The following SLC26A8 variants were observed in gnomAD, a reference collection of about 807,000 sequenced individuals.
SLC26A8 encodes testis anion transporter 1.
Under a neutral mutation model 105.0 loss-of-function variants are expected in SLC26A8, and 70 were observed. The ratio of observed to expected loss-of-function variants is 0.67; its 90% CI spans 0.55 to 0.81. SLC26A8 has a LOEUF of 0.81. Among genes scored for constraint, SLC26A8 ranks in the 40% least tolerant of loss-of-function variants. The pLI, the probability that SLC26A8 is intolerant of heterozygous loss-of-function variation, is 0.00. For synonymous variants in SLC26A8, 415 were observed against 438.3 expected, an observed-to-expected ratio of 0.95 and a Z score of 0.66; for missense variants, 998 against 1,181.8, an observed-to-expected ratio of 0.84 and a Z score of 2.28.
At chr6:35,960,593 T>G (rs1039176498) in intron 14 of SLC26A8, 8 of 415,888 alleles carry the variant, frequency 1.9e-5, no homozygotes, top group Admixed American at 8.2e-5. Flanking sequence ...CAGGTGGAGG[T>G]TGCAGTAAGC....
intron 17 of SLC26A8, among the ~76,000 whole-genome samples, chr6:35,953,890 T>G (rs1771963228): frequency 6.6e-6 from 1 of 152,116 alleles, no homozygotes; most frequent in African/African-American, 2.4e-5. Context: ...CTGGACTCAC[T>G]TAAGAGGCAG....
chr6:35,987,991 G>A (rs1307151004), intron 7 of SLC26A8, among the ~76,000 whole-genome samples: 7 of 147,442 alleles, frequency 4.7e-5, no homozygotes, highest in Non-Finnish European at 8.9e-5. Context: ...GGCTCACTGC[G>A]ACCTCCGCCT....
At chr6:35,961,122 G>T in intron 12 of SLC26A8, 23 bp from the exon 13 acceptor site, 1 of 1,580,446 alleles carries the variant, frequency 6.3e-7, no homozygotes, top group Non-Finnish European at 8.7e-7. Flanking sequence ...GGAATGAGGG[G>T]AAAATGATCA....
chr6:35,959,899 T>C (rs984573263), intron 14 of SLC26A8, 93 bp from the exon 15 acceptor site: 4 of 1,008,250 alleles, frequency 4.0e-6, no homozygotes, highest in African/African-American at 3.4e-5. Flanking sequence ...GAGTCTGTAT[T>C]CTTCTTTTTT....
chr6:35,991,584 C>T (rs1761161354), intron 7 of SLC26A8, 75 bp downstream of exon 7: 2 of 1,223,158 alleles, frequency 1.6e-6, no homozygotes, highest in African/African-American at 1.6e-5. Context: ...TCAGCTTTTA[C>T]ACAATTCAAC....
intron 19 of SLC26A8, among the ~76,000 whole-genome samples, chr6:35,949,267 AC>A (rs1771776095): frequency 6.6e-6 from 1 of 152,074 alleles, no homozygotes. Context: ...CCCTGTCTCT[AC>A]TAAAAATATA....
chr6:35,951,188 C>G lies in SLC26A8; in HGVS notation c.2447G>C (p.Arg816Pro), dbSNP rs116200048. The G allele has an allele frequency of 6.2e-7, 1 of 1,613,738 alleles. No homozygotes were observed. The highest frequency in any genetic ancestry group is 1.1e-5 in the South Asian group (1 of 91,028). ...LSIDESETVI[R>P]ETYSETDKND... ...CTTGTCTGTTTCTGAGTAGGTTTCC[C>G]GTATCACTGTCTCGGATTCATCGAT... Residue 816 changes from arginine to proline, a missense_variant, in exon 19 of 20, where the codon CGG (arginine) becomes CCG (proline). Arg to Pro is a moderately radical substitution (Grantham distance 103, BLOSUM62 -2). Transcript: ENST00000490799.
In SLC26A8 at chr6:35,959,573, G is replaced by T; in HGVS notation, c.1750C>A (p.Pro584Thr). ...CTGAAAATTTCTTCTTCTTTAAGAGGCACCTTTACCATATCAACCTGAAAG... is the reference window on the plus strand; with the variant it reads ...CTGAAAATTTCTTCTTCTTTAAGAGTCACCTTTACCATATCAACCTGAAAG... ...LLKEVDMVKV[P>T]LKEEEIFSLF... is the part of the protein sequence containing the mutation. The change falls in exon 16 of 20, where the codon CCT (proline) becomes ACT (threonine). Residue 584 changes from proline to threonine, a missense_variant. By Grantham distance (38) the Pro-to-Thr change is conservative. Coordinates refer to ENST00000490799, the MANE Select transcript of SLC26A8 (RefSeq NM_052961.4). 1 of 1,613,572 alleles carries T rather than the reference G, an allele frequency of 6.2e-7. No homozygotes were observed. The highest frequency in any genetic ancestry group is 1.1e-5 in the South Asian group (1 of 90,934).
Position 35,981,889 on chromosome 6 carries a change from GT to G in SLC26A8, c.1025+231del, listed in dbSNP as rs1313883617. Among the ~76,000 whole-genome samples, 1 of 152,200 alleles carries G rather than the reference GT, an allele frequency of 6.6e-6. No individual in the cohort carries two copies. The highest frequency in any genetic ancestry group is 2.4e-5 in the African/African-American group (1 of 41,450). ...TCTCTGGTATTCAGTGCATATAACA[GT>G]TTTCCTGGATAAGGGGATGGGTTCA... On this transcript the variant is annotated intron_variant, in intron 8 of 19. Transcript: ENST00000490799. The surrounding 1 kb of genome is among the most constrained non-coding windows in gnomAD (Gnocchi z 4.0).
chr6:35,957,979 C>G (rs1286530351), intron 16 of SLC26A8, among the ~76,000 whole-genome samples: 1 of 152,150 alleles, frequency 6.6e-6, no homozygotes, highest in African/African-American at 2.4e-5. Flanking sequence ...CATGTGTTAT[C>G]TGCCTGACCT....
chr6:35,943,643 A>C lies in SLC26A8; in HGVS notation c.*257T>G, dbSNP rs1771561489. ...GTGGGGTGTGTGAAGAAGGAAATTC[A>C]TGACTAGAATATATGCTGAAGGTGA... On this transcript the variant is annotated 3_prime_UTR_variant, in exon 20 of 20. Coordinates refer to ENST00000490799, the MANE Select transcript of SLC26A8 (RefSeq NM_052961.4). The C allele has an allele frequency of 2.2e-6, 1 of 461,276 alleles. No individual in the cohort carries two copies. Among genetic ancestry groups the C allele is most frequent in the African/African-American group, 1.9e-5 (1 of 51,610 alleles). The allele number at this position is 461,276 out of a possible 1,614,324, so 28.6% of individuals were successfully genotyped here.
intron 7 of SLC26A8, among the ~76,000 whole-genome samples, chr6:35,991,413 A>AC (rs907258909): frequency 6.6e-6 from 1 of 151,910 alleles, no homozygotes; most frequent in African/African-American, 2.4e-5. Flanking sequence ...AAAAAAAAAA[A>AC]AAAAAAAACT....
At position 35,972,656 on chromosome 6, in the gene SLC26A8, C is replaced by T. The variant is rs186610347; in HGVS notation, c.1287+2719G>A. ...AGGGACATGCCTCCCTGTGGAGGGCCGCTGCACTGCATTGAGAGGTGTCAC... is the reference window on the plus strand; with the variant it reads ...AGGGACATGCCTCCCTGTGGAGGGCTGCTGCACTGCATTGAGAGGTGTCAC... On this transcript the variant is annotated intron_variant, in intron 10 of 19. Transcript: ENST00000490799. 3.2e-4 allele frequency among the ~76,000 whole-genome samples: 48 copies of T among 152,252 alleles called. No homozygotes were observed. In the East Asian group the frequency reaches 7.5e-3, roughly 24 times the overall value.
chr6:36,017,757 T>A lies in SLC26A8; in HGVS notation c.188+1763A>T, dbSNP rs192473437. Among the ~76,000 whole-genome samples, 836 of 152,308 alleles carry A rather than the reference T, an allele frequency of 5.5e-3. 6 individuals are homozygous for A. The highest frequency in any genetic ancestry group is 8.2e-3 in the Non-Finnish European group (556 of 68,030). On this transcript the variant is annotated intron_variant, in intron 2 of 19. Transcript: ENST00000490799. ...AATATTTACAAAATTATATAAGATT[T>A]ACAAACATCTATCTGATAGAAATTT... is the stretch of plus-strand genomic sequence containing the variant.
chr6:35,961,531 G>GTC (rs1456705592), intron 12 of SLC26A8, among the ~76,000 whole-genome samples: 1 of 152,152 alleles, frequency 6.6e-6, no homozygotes, highest in African/African-American at 2.4e-5. Flanking sequence ...CATCTTCACA[G>GTC]AAGAAAAGTC....
At chr6:35,983,874 C>T (rs1773381356) in intron 7 of SLC26A8, among the ~76,000 whole-genome samples, 1 of 152,074 alleles carries the variant, frequency 6.6e-6, no homozygotes, top group Non-Finnish European at 1.5e-5. Flanking sequence ...CTCTTAAGTA[C>T]AGATTGATAG....
Position 35,985,452 on chromosome 6 carries a change from TG to T in SLC26A8, c.943-3250del, listed in dbSNP as rs1319797038. On this transcript the variant is annotated intron_variant, in intron 7 of 19. Coordinates refer to ENST00000490799, the MANE Select transcript of SLC26A8 (RefSeq NM_052961.4). ...GCTCATGCCTGTAATCCCAGCACTTTGGGAGGCCAAGGTGGGCAGATCACGA... is the reference window on the plus strand; with the variant it reads ...GCTCATGCCTGTAATCCCAGCACTTTGGAGGCCAAGGTGGGCAGATCACGA... 2.1e-4 allele frequency among the ~76,000 whole-genome samples: 32 copies of T among 152,086 alleles called. No homozygotes were observed. The East Asian group carries it at 5.8e-3, about 28-fold the overall frequency.
chr6:35,944,158 T>C lies in SLC26A8; in HGVS notation c.2655A>G (p.Glu885=), dbSNP rs199570373. 9.3e-6 allele frequency: 15 copies of C among 1,614,036 alleles called. No homozygotes were observed. In the East Asian group the frequency reaches 2.9e-4, roughly 31 times the overall value. The change falls in exon 20 of 20, where the codon GAA becomes GAG. Residue 885 remains glutamate, a synonymous_variant. Transcript: ENST00000490799. ...DLDLDRELEP[E]MEPKAETETK... is the part of the protein sequence containing the mutation. ...TCTCGGTCTCAGCCTTGGGCTCCAT[T>C]TCAGGCTCCAGCTCCCGATCCAGGT... is the stretch of plus-strand genomic sequence containing the variant.
At chr6:36,015,373 A>G (rs1761968110) in intron 2 of SLC26A8, among the ~76,000 whole-genome samples, 1 of 152,170 alleles carries the variant, frequency 6.6e-6, no homozygotes, top group South Asian at 2.1e-4. Flanking sequence ...GGCCTCCCAG[A>G]GTGCTGGGAT....
Sources: allele counts gnomAD v4.1 joint callset (sites outside exome capture counted in the v4.1 genomes callset), GRCh38; gene constraint gnomAD v4.1.1; non-coding constraint Gnocchi (gnomAD v3.1); transcripts MANE v1.5; gene names NCBI Gene and HGNC (gene_info 2026-07-23, HGNC 2026-07-21).